Variants in BCKDHB observed in about 807,000 individuals in gnomAD.
The protein encoded by BCKDHB is branched chain keto acid dehydrogenase E1 subunit beta, also known as 2-oxoisovalerate dehydrogenase subunit beta, mitochondrial.
BCKDHB carries 41 observed loss-of-function variants against 48.5 expected under a neutral mutation model. The observed-to-expected ratio is 0.85, with a 90% CI of 0.66 to 1.10. The LOEUF (loss-of-function observed/expected upper bound fraction) is 1.10. Among genes scored for constraint, BCKDHB ranks in the 50% least tolerant of loss-of-function variants. The probability of loss-of-function intolerance (pLI) is 0.00; values close to 1 mark genes in which losing one functional copy is unlikely to be tolerated. For missense variants in BCKDHB, 496 were observed against 494.2 expected, an observed-to-expected ratio of 1.00 and a Z score of -0.03; for synonymous variants, 201 against 174.8, an observed-to-expected ratio of 1.15 and a Z score of -1.18.
At chr6:80,119,134 C>T (rs1011132969) in intron 1 of BCKDHB, among the ~76,000 whole-genome samples, 1 of 151,802 alleles carries the variant, frequency 6.6e-6, no homozygotes, top group African/African-American at 2.4e-5. Context: ...ACTAAAAATA[C>T]AAAAAAATTA....
At chr6:80,284,790 TC>T (rs1766547639) in intron 9 of BCKDHB, among the ~76,000 whole-genome samples, 1 of 152,162 alleles carries the variant, frequency 6.6e-6, no homozygotes, top group Admixed American at 6.5e-5. Flanking sequence ...CCTCATTGTG[TC>T]CTGTCTTTTG....
At chr6:80,203,305 T>C in intron 8 of BCKDHB, 93 bp downstream of exon 8, 2 of 929,048 alleles carry the variant, frequency 2.2e-6, no homozygotes, top group Non-Finnish European at 3.5e-6. Flanking sequence ...AATTGTGAGC[T>C]ATGTGAGCAT....
At chr6:80,359,970 TGTTCA>T in the BCKDHB span, among the ~76,000 whole-genome samples, 1 of 152,194 alleles carries the variant, frequency 6.6e-6, no homozygotes. Context: ...AAAAGAATGT[TGTTCA>T]GTTGTCAGCT....
chr6:80,310,089 T>C lies in BCKDHB; in HGVS notation c.1039-33575T>C, dbSNP rs577031077. On this transcript the variant is annotated intron_variant, in intron 9 of 9. Transcript: ENST00000320393. ...TGTATATATACAACATTTTCTTTTT[T>C]TTTTTTTAATTTCCAACTTTTAAGT... 3.9e-5 allele frequency among the ~76,000 whole-genome samples: 6 copies of C among 152,274 alleles called. No individual in the cohort carries two copies. The South Asian group carries it at 1.0e-3, about 26-fold the overall frequency.
At chr6:80,203,067 T>C in intron 7 of BCKDHB, 35 bp from the exon 8 acceptor site, 1 of 1,430,426 alleles carries the variant, frequency 7.0e-7, no homozygotes, top group Non-Finnish European at 9.9e-7. Flanking sequence ...AGAACCTTTG[T>C]AGTCATTCTC....
At chr6:80,116,084 CACTG>C (rs1769688840) in intron 1 of BCKDHB, among the ~76,000 whole-genome samples, 1 of 152,216 alleles carries the variant, frequency 6.6e-6, no homozygotes. Flanking sequence ...TAAATCCACT[CACTG>C]ACCGTGTGCT....
the BCKDHB span, among the ~76,000 whole-genome samples, chr6:80,391,542 C>T: frequency 6.6e-5 from 10 of 152,228 alleles, no homozygotes; most frequent in East Asian, 1.9e-4. Flanking sequence ...GAAGAGGCAA[C>T]GAGTAGGTTA....
chr6:80,149,416 C>G (rs1771648700), intron 3 of BCKDHB, among the ~76,000 whole-genome samples: 1 of 152,192 alleles, frequency 6.6e-6, no homozygotes, highest in Non-Finnish European at 1.5e-5. Flanking sequence ...TGTGGCGATT[C>G]CTCAGGGACC....
chr6:80,380,579 C>A, the BCKDHB span, among the ~76,000 whole-genome samples: 1 of 151,732 alleles, frequency 6.6e-6, no homozygotes, highest in Non-Finnish European at 1.5e-5. Context: ...CAAAAACAGA[C>A]AAACAGACTC....
At chr6:80,271,735 G>T (rs943158033) in intron 8 of BCKDHB, among the ~76,000 whole-genome samples, 2 of 151,834 alleles carry the variant, frequency 1.3e-5, no homozygotes, top group African/African-American at 4.8e-5. Context: ...CTATAAGAGT[G>T]GTCTGATTCG....
chr6:80,381,210 C>G, the BCKDHB span, among the ~76,000 whole-genome samples: 1 of 151,602 alleles, frequency 6.6e-6, no homozygotes, highest in South Asian at 2.1e-4. Flanking sequence ...TTTTTCTGAA[C>G]AAAGGTATAC....
intron 1 of BCKDHB, among the ~76,000 whole-genome samples, chr6:80,123,241 T>G (rs1216865722): frequency 6.6e-6 from 1 of 152,178 alleles, no homozygotes; most frequent in African/African-American, 2.4e-5. Context: ...ACAATCAATT[T>G]GTACAGTTAA....
intron 3 of BCKDHB, among the ~76,000 whole-genome samples, chr6:80,157,299 T>A (rs1772090189): frequency 6.6e-6 from 1 of 152,118 alleles, no homozygotes; most frequent in South Asian, 2.1e-4. Flanking sequence ...AATATTGTTA[T>A]CTGGCCTGAT....
chr6:80,448,714 T>C, the BCKDHB span, among the ~76,000 whole-genome samples: 1 of 152,214 alleles, frequency 6.6e-6, no homozygotes, highest in Non-Finnish European at 1.5e-5. Context: ...ATTATCAACA[T>C]GTTTCTGTAT....
intron 1 of BCKDHB, among the ~76,000 whole-genome samples, chr6:80,111,295 T>C (rs1769395731): frequency 6.6e-6 from 1 of 152,180 alleles, no homozygotes; most frequent in African/African-American, 2.4e-5. Flanking sequence ...GTAATTACGA[T>C]GTTCCTGAAC....
chr6:80,116,665 C>CA (rs1275119595), intron 1 of BCKDHB, among the ~76,000 whole-genome samples: 2 of 152,218 alleles, frequency 1.3e-5, no homozygotes, highest in African/African-American at 4.8e-5. Context: ...TAACAATAGG[C>CA]AACCATTAAC....
At chr6:80,111,925 A>T (rs1032426569) in intron 1 of BCKDHB, among the ~76,000 whole-genome samples, 1 of 152,164 alleles carries the variant, frequency 6.6e-6, no homozygotes, top group Non-Finnish European at 1.5e-5. Context: ...TTCCTGATAC[A>T]CAACTCAATA....
chr6:80,147,488 T>TAA (rs901847863), intron 3 of BCKDHB, among the ~76,000 whole-genome samples: 1 of 152,184 alleles, frequency 6.6e-6, no homozygotes, highest in Non-Finnish European at 1.5e-5. Context: ...TTTTTATGTT[T>TAA]AAAAAAGGTT....
intron 6 of BCKDHB, among the ~76,000 whole-genome samples, chr6:80,188,748 A>G (rs1773764021): frequency 1.3e-5 from 2 of 152,136 alleles, no homozygotes; most frequent in African/African-American, 4.8e-5. Context: ...CTGACATGCA[A>G]TTTACCTATA....
Sources: gnomAD v4.1 joint callset for allele counts (sites outside exome capture counted in the v4.1 genomes callset) on GRCh38, gnomAD v4.1.1 for gene constraint, MANE v1.5 for transcripts, NCBI Gene and HGNC (gene_info 2026-07-23, HGNC 2026-07-21) for gene names.